DNM3: variants seen among roughly 807,000 people sequenced by gnomAD.
DNM3 encodes the protein dynamin 3, also known as dynamin-3.
A neutral mutation model predicts 101.6 loss-of-function variants in DNM3; 47 were observed. The ratio of observed to expected loss-of-function variants is 0.46; its 90% confidence interval spans 0.37 to 0.59. The LOEUF is 0.59. Ranked by LOEUF, DNM3 falls within the 20% of genes least tolerant of loss-of-function variation. The pLI is 0.00. For synonymous variants in DNM3, 385 were observed against 387.9 expected, an observed-to-expected ratio of 0.99 and a Z score of 0.09; for missense variants, 849 against 1,085.7, an observed-to-expected ratio of 0.78 and a Z score of 3.06.
At chr1:172,133,356 A>T (rs1194804363) in intron 14 of DNM3, 2 of 995,186 alleles carry the variant, frequency 2.0e-6, no homozygotes, top group Non-Finnish European at 2.4e-6. Flanking sequence ...CTTGATTACA[A>T]CAAATGGAAA....
At chr1:172,005,629 T>C (rs931656889) in intron 4 of DNM3, among the ~76,000 whole-genome samples, 2 of 152,004 alleles carry the variant, frequency 1.3e-5, no homozygotes, top group African/African-American at 4.8e-5. Context: ...ACCTACACAA[T>C]TGTGTGTGTG....
chr1:172,009,850 T>A (rs1452367324), intron 4 of DNM3, among the ~76,000 whole-genome samples: 2 of 151,858 alleles, frequency 1.3e-5, no homozygotes, highest in Non-Finnish European at 2.9e-5. Flanking sequence ...GTATTTTAGG[T>A]CAAGTTTGTT....
At chr1:172,304,845 A>G (rs1557963708) in intron 15 of DNM3, among the ~76,000 whole-genome samples, 1 of 152,236 alleles carries the variant, frequency 6.6e-6, no homozygotes, top group South Asian at 2.1e-4. Context: ...GAGAACAAAG[A>G]CACAACATAC....
intron 1 of DNM3, among the ~76,000 whole-genome samples, chr1:171,855,033 C>T (rs2033445093): frequency 6.6e-6 from 1 of 152,094 alleles, no homozygotes; most frequent in African/African-American, 2.4e-5. Context: ...TCCCTTCTCC[C>T]ACCCTTCACC....
At chr1:172,149,939 A>G (rs1292555689) in intron 14 of DNM3, among the ~76,000 whole-genome samples, 1 of 152,130 alleles carries the variant, frequency 6.6e-6, no homozygotes, top group African/African-American at 2.4e-5. Flanking sequence ...TACCCAGAAT[A>G]CCTGCAATTA....
chr1:171,870,779 AC>A (rs2035203098), intron 1 of DNM3, among the ~76,000 whole-genome samples: 1 of 152,202 alleles, frequency 6.6e-6, no homozygotes, highest in Admixed American at 6.5e-5. Context: ...ACAATCAGGT[AC>A]CCAAACTGCC....
In DNM3 at chr1:172,131,172, T is replaced by C; in HGVS notation, c.1546-3T>C. 1 of 1,613,114 alleles carries C rather than the reference T, an allele frequency of 6.2e-7. No individual in the cohort carries two copies. The highest frequency in any genetic ancestry group is 8.5e-7 in the Non-Finnish European group (1 of 1,179,428). On this transcript the variant is annotated splice_polypyrimidine_tract_variant and splice_region_variant and intron_variant, in intron 13 of 20. Coordinates refer to ENST00000627582, the MANE Select transcript of DNM3 (RefSeq NM_015569.5). ...ACCTCTGCTGATTTCTGCTTTTTCG[T>C]AGGTGATTCGCAAGGGGTGGCTCAC...
intron 2 of DNM3, among the ~76,000 whole-genome samples, chr1:171,978,365 A>T (rs1229263442): frequency 3.3e-5 from 5 of 152,218 alleles, no homozygotes; most frequent in Non-Finnish European, 7.3e-5. Context: ...GGAGCCACAC[A>T]TGCAGAGATC....
intron 15 of DNM3, among the ~76,000 whole-genome samples, chr1:172,263,220 C>T (rs1044775819): frequency 6.6e-6 from 1 of 152,132 alleles, no homozygotes; most frequent in African/African-American, 2.4e-5. Context: ...TGTGTATACA[C>T]ACATGAAAGT....
chr1:172,167,970 G>A (rs1389596441), intron 14 of DNM3, among the ~76,000 whole-genome samples: 1 of 151,880 alleles, frequency 6.6e-6, no homozygotes, highest in African/African-American at 2.4e-5. Context: ...AATTCCTGAC[G>A]CTTTGAGGTT....
chr1:171,908,818 AG>A (rs1233573693), intron 1 of DNM3, among the ~76,000 whole-genome samples: 1 of 152,162 alleles, frequency 6.6e-6, no homozygotes, highest in Non-Finnish European at 1.5e-5. Context: ...CTTTCTTAAA[AG>A]TAGGAGATAT....
intron 2 of DNM3, among the ~76,000 whole-genome samples, chr1:171,952,678 CA>C (rs1229281162): frequency 6.6e-6 from 1 of 152,080 alleles, no homozygotes; most frequent in Non-Finnish European, 1.5e-5. Context: ...TTTAATAACA[CA>C]AAATTTAGTA....
At chr1:172,091,678 C>T (rs182084370) in intron 12 of DNM3, among the ~76,000 whole-genome samples, 1 of 152,108 alleles carries the variant, frequency 6.6e-6, no homozygotes, top group East Asian at 1.9e-4. Flanking sequence ...TTGAGTAGGG[C>T]CTTGTAGACC....
intron 14 of DNM3, among the ~76,000 whole-genome samples, chr1:172,179,781 A>G (rs2059280140): frequency 6.6e-6 from 1 of 151,952 alleles, no homozygotes; most frequent in Non-Finnish European, 1.5e-5. Flanking sequence ...ACTTCTTCAT[A>G]TCTCACATTT....
At chr1:172,012,802 T>C (rs1442966004) in intron 4 of DNM3, among the ~76,000 whole-genome samples, 1 of 152,072 alleles carries the variant, frequency 6.6e-6, no homozygotes, top group Non-Finnish European at 1.5e-5. Flanking sequence ...TAGCATCATA[T>C]ACAGTAATAT....
intron 1 of DNM3, among the ~76,000 whole-genome samples, chr1:171,873,739 A>G (rs1055102810): frequency 1.3e-5 from 2 of 152,200 alleles, no homozygotes; most frequent in East Asian, 1.9e-4. Context: ...GAAAAACTGT[A>G]CGCTTTTTCT....
intron 11 of DNM3, among the ~76,000 whole-genome samples, chr1:172,072,606 G>A (rs375699609): frequency 6.6e-6 from 1 of 152,182 alleles, no homozygotes; most frequent in Non-Finnish European, 1.5e-5. Flanking sequence ...AACTGTTCTT[G>A]GCCAGGCACG....
chr1:171,964,527 A>G (rs1304021375), intron 2 of DNM3, among the ~76,000 whole-genome samples: 1 of 152,146 alleles, frequency 6.6e-6, no homozygotes, highest in Non-Finnish European at 1.5e-5. Flanking sequence ...ATGACTCCCT[A>G]AAATGCATAA....
downstream of DNM3, among the ~76,000 whole-genome samples, chr1:172,413,494 TG>T: frequency 6.6e-6 from 1 of 152,326 alleles, no homozygotes; most frequent in South Asian, 2.1e-4. Flanking sequence ...CCCAAAGTGC[TG>T]GGATTACAGG....
Sources: allele counts gnomAD v4.1 joint callset (sites outside exome capture counted in the v4.1 genomes callset), GRCh38; gene constraint gnomAD v4.1.1; transcripts MANE v1.5; gene names NCBI Gene and HGNC (gene_info 2026-07-23, HGNC 2026-07-21).